SEL1L3: variants seen among roughly 807,000 people sequenced by gnomAD.
SEL1L3 encodes protein sel-1 homolog 3.
A neutral mutation model predicts 142.8 loss-of-function variants in SEL1L3; 76 were observed. That is an observed-to-expected ratio of 0.53 (90% confidence interval 0.44 to 0.64). SEL1L3 has a LOEUF of 0.64. Ranked by LOEUF, SEL1L3 falls within the 30% of genes least tolerant of loss-of-function variation. The pLI is 0.00. For synonymous variants in SEL1L3, 504 were observed against 519.6 expected, an observed-to-expected ratio of 0.97 and a Z score of 0.41; for missense variants, 1,262 against 1,381.7, an observed-to-expected ratio of 0.91 and a Z score of 1.37.
intron 1 of SEL1L3, among the ~76,000 whole-genome samples, chr4:25,857,511 C>T (rs1001835127): frequency 2.0e-5 from 3 of 152,224 alleles, no homozygotes; most frequent in Non-Finnish European, 4.4e-5. Context: ...ACCTCCACCT[C>T]TCACATGGGA....
the SEL1L3 span, among the ~76,000 whole-genome samples, chr4:25,724,086 T>C: frequency 1.3e-5 from 2 of 152,226 alleles, no homozygotes; most frequent in African/African-American, 2.4e-5. Flanking sequence ...GAAACAGTTC[T>C]TTCAATTTTG....
At chr4:25,834,246 C>T (rs1298093229) in intron 3 of SEL1L3, among the ~76,000 whole-genome samples, 2 of 152,208 alleles carry the variant, frequency 1.3e-5, no homozygotes, top group Non-Finnish European at 2.9e-5. Context: ...CAGTAGCCAA[C>T]TTAACCAGGA....
At chr4:25,789,708 C>G (rs1279194125) in intron 12 of SEL1L3, among the ~76,000 whole-genome samples, 1 of 152,042 alleles carries the variant, frequency 6.6e-6, no homozygotes, top group Non-Finnish European at 1.5e-5. Context: ...GAGACTCTTC[C>G]CGATGTTGCT....
intron 1 of SEL1L3, among the ~76,000 whole-genome samples, chr4:25,852,540 C>T (rs1308421308): frequency 6.6e-6 from 1 of 152,218 alleles, no homozygotes; most frequent in African/African-American, 2.4e-5. Context: ...GGCCAGGGAT[C>T]GCTGGTGCTG....
chr4:25,792,403 G>T (rs767610611), intron 11 of SEL1L3, among the ~76,000 whole-genome samples: 4 of 152,160 alleles, frequency 2.6e-5, no homozygotes, highest in Non-Finnish European at 5.9e-5. Flanking sequence ...CTAGTGAGAA[G>T]GTGCTGAAAT....
the SEL1L3 span, chr4:25,720,145 G>A: frequency 2.0e-5 from 3 of 152,132 alleles, no homozygotes; most frequent in Non-Finnish European, 4.4e-5. Context: ...AGTCAAGCCT[G>A]GGATTAAAAT....
the SEL1L3 span, among the ~76,000 whole-genome samples, chr4:25,723,138 T>C: frequency 2.9e-4 from 44 of 152,294 alleles, no homozygotes; most frequent in African/African-American, 1.1e-3. Context: ...TCCTAGCTGG[T>C]GATGTTCTGC....
chr4:25,821,272 G>C (rs1714733463), intron 7 of SEL1L3, among the ~76,000 whole-genome samples: 1 of 152,172 alleles, frequency 6.6e-6, no homozygotes, highest in Non-Finnish European at 1.5e-5. Context: ...AGTGACCCCT[G>C]TTTTTCTCAG....
intron 5 of SEL1L3, 69 bp downstream of exon 5, chr4:25,832,926 C>A: frequency 1.0e-6 from 1 of 969,898 alleles, no homozygotes; most frequent in Non-Finnish European, 1.6e-6. Flanking sequence ...TGCTCCCCGG[C>A]TTTATAGCAA....
intron 17 of SEL1L3, among the ~76,000 whole-genome samples, chr4:25,772,067 T>C (rs940345280): frequency 6.6e-6 from 1 of 152,146 alleles, no homozygotes; most frequent in Non-Finnish European, 1.5e-5. Context: ...GGGACATCGA[T>C]GGATGATTTA....
intron 1 of SEL1L3, among the ~76,000 whole-genome samples, chr4:25,850,084 T>G (rs9993009): frequency 0.096 from 14,649 of 152,060 alleles, 2,395 homozygotes; most frequent in African/African-American, 0.33. Flanking sequence ...GGAATGCAGG[T>G]GTACTTGGGG....
chr4:25,809,600 AT>A (rs1713879139), intron 9 of SEL1L3, among the ~76,000 whole-genome samples: 1 of 151,798 alleles, frequency 6.6e-6, no homozygotes, highest in South Asian at 2.1e-4. Context: ...AAACTTTCTG[AT>A]TTTACACGTC....
intron 7 of SEL1L3, among the ~76,000 whole-genome samples, chr4:25,821,298 G>T (rs907632527): frequency 6.6e-6 from 1 of 152,196 alleles, no homozygotes. Flanking sequence ...ACCCCACAGG[G>T]TGAAGGGAAT....
At chr4:25,758,901 G>T (rs765113575) in intron 21 of SEL1L3, 40 bp downstream of exon 21, 2 of 1,576,992 alleles carry the variant, frequency 1.3e-6, no homozygotes, top group South Asian at 1.2e-5. Context: ...ATCTACTTGG[G>T]TTCCCTCAGA....
intron 11 of SEL1L3, among the ~76,000 whole-genome samples, chr4:25,791,790 C>T (rs1402104599): frequency 6.6e-6 from 1 of 152,026 alleles, no homozygotes; most frequent in East Asian, 1.9e-4. Context: ...GTACACACCG[C>T]TAATCCCAGC....
upstream of SEL1L3, chr4:25,863,298 C>A (rs1392064069): frequency 4.7e-6 from 2 of 429,560 alleles, no homozygotes; most frequent in Non-Finnish European, 8.3e-6. Context: ...TCCCCCTCCT[C>A]TCCCTCCGGC....
intron 14 of SEL1L3, among the ~76,000 whole-genome samples, chr4:25,782,862 G>A (rs1027475902): frequency 2.0e-5 from 3 of 152,082 alleles, no homozygotes; most frequent in Non-Finnish European, 2.9e-5. Flanking sequence ...ACACCAACAC[G>A]CACTCTATGG....
At chr4:25,728,938 C>T in the SEL1L3 span, among the ~76,000 whole-genome samples, 6 of 152,124 alleles carry the variant, frequency 3.9e-5, no homozygotes, top group South Asian at 1.2e-3. Flanking sequence ...CCAAGGAGAC[C>T]TTAGAAAAAC....
chr4:25,825,495 G>C (rs1227886443), intron 6 of SEL1L3, among the ~76,000 whole-genome samples: 1 of 152,046 alleles, frequency 6.6e-6, no homozygotes, highest in African/African-American at 2.4e-5. Context: ...AGCACCAGAA[G>C]CCTGAAAGAA....
Sources: allele counts gnomAD v4.1 joint callset (sites outside exome capture counted in the v4.1 genomes callset), GRCh38; gene constraint gnomAD v4.1.1; transcripts MANE v1.5; gene names NCBI Gene and HGNC (gene_info 2026-07-23, HGNC 2026-07-21).